Variants in ATG7 observed in about 807,000 individuals in gnomAD.
ATG7 encodes ubiquitin-like modifier-activating enzyme ATG7.
A neutral mutation model predicts 82.4 loss-of-function variants in ATG7; 70 were observed. That is an observed-to-expected ratio of 0.85 (90% CI 0.70 to 1.04). The LOEUF is 1.04. Among genes scored for constraint, ATG7 ranks in the 50% least tolerant of loss-of-function variants. ATG7 has a pLI of 0.00. For missense variants in ATG7, 792 were observed against 864.3 expected, an observed-to-expected ratio of 0.92 and a Z score of 1.05; for synonymous variants, 287 against 313.0, an observed-to-expected ratio of 0.92 and a Z score of 0.88.
At chr3:11,544,619 C>A (rs2071115824) in intron 20 of ATG7, among the ~76,000 whole-genome samples, 1 of 152,234 alleles carries the variant, frequency 6.6e-6, no homozygotes, top group African/African-American at 2.4e-5. Context: ...CAGTGCTTGC[C>A]CCCGCCCACC....
intron 20 of ATG7, among the ~76,000 whole-genome samples, chr3:11,526,843 T>C (rs1160868603): frequency 6.6e-6 from 1 of 152,190 alleles, no homozygotes; most frequent in Non-Finnish European, 1.5e-5. Context: ...TTTTACCATT[T>C]ACCATCATGT....
chr3:11,551,935 G>A lies in ATG7; in HGVS notation c.2080-2876G>A, dbSNP rs559129177. 1.4e-4 allele frequency among the ~76,000 whole-genome samples: 21 copies of A among 152,120 alleles called. No homozygotes were observed. In the South Asian group the frequency reaches 4.2e-3, roughly 30 times the overall value. Reference sequence around the variant, plus strand: ...GGCTAATTTTTGGATTTTTAGTAGAGACGGGGTTTCACCATGTTGGCCAGG... The same window carrying A: ...GGCTAATTTTTGGATTTTTAGTAGAAACGGGGTTTCACCATGTTGGCCAGG... On this transcript the variant is annotated intron_variant, in intron 20 of 20. Coordinates refer to ENST00000693202, the MANE Select transcript of ATG7 (RefSeq NM_001349232.2).
At chr3:11,276,821 G>A (rs1469476372) in intron 1 of ATG7, among the ~76,000 whole-genome samples, 1 of 152,022 alleles carries the variant, frequency 6.6e-6, no homozygotes, top group Non-Finnish European at 1.5e-5. Context: ...TTCAACCGCA[G>A]CTTCAAACTT....
At chr3:11,422,915 C>T (rs1044103205) in intron 19 of ATG7, among the ~76,000 whole-genome samples, 2 of 151,818 alleles carry the variant, frequency 1.3e-5, no homozygotes, top group Admixed American at 1.3e-4. Flanking sequence ...CCACTATGCC[C>T]AGCTAATGTT....
intron 19 of ATG7, among the ~76,000 whole-genome samples, chr3:11,396,513 G>A (rs189695197): frequency 1.3e-5 from 2 of 152,172 alleles, no homozygotes; most frequent in Non-Finnish European, 1.5e-5. Flanking sequence ...TATTGAGTGG[G>A]ATATTTTTTA....
At position 11,540,907 on chromosome 3, in the gene ATG7, T is replaced by TGGCG. The variant is rs1478475481; in HGVS notation, c.2080-13902_2080-13901insCGGG. Among the ~76,000 whole-genome samples the TGGCG allele has an allele frequency of 1.9e-3, 65 of 34,954 alleles. 2 individuals are homozygous for TGGCG. The highest frequency in any genetic ancestry group is 3.1e-3 in the Non-Finnish European group (42 of 13,482). The allele number at this position is 34,954 out of a possible 152,430, so 22.9% of individuals were successfully genotyped here. ...AAAAATTTATAGTTTTAGCTTTTTT[T>TGGCG]GGGGGGGGGAGGGGGGGAGTCTTGC... On this transcript the variant is annotated intron_variant, in intron 20 of 20. Transcript: ENST00000693202.
chr3:11,309,133 C>T (rs1948232504), intron 7 of ATG7, 72 bp downstream of exon 7: 2 of 1,364,722 alleles, frequency 1.5e-6, no homozygotes, highest in South Asian at 1.2e-5. Flanking sequence ...ACCAGTAGAA[C>T]AGTCTGCTCT....
At chr3:11,438,955 C>T (rs753681867) in intron 20 of ATG7, among the ~76,000 whole-genome samples, 4 of 152,056 alleles carry the variant, frequency 2.6e-5, no homozygotes, top group Non-Finnish European at 4.4e-5. Context: ...CACTTGCAAA[C>T]ATAACAGCTG....
rs373912916 is a variant in ATG7, at chr3:11,538,260, T to C, written c.2080-16551T>C. Among the ~76,000 whole-genome samples, 22 of 152,264 alleles carry C rather than the reference T, an allele frequency of 1.4e-4. No homozygotes were observed. In the East Asian group the frequency reaches 3.7e-3, roughly 25 times the overall value. On this transcript the variant is annotated intron_variant, in intron 20 of 20. Coordinates refer to ENST00000693202, the MANE Select transcript of ATG7 (RefSeq NM_001349232.2). The stretch of plus-strand genomic sequence containing the variant: ...CTCTCAACGCTGACCTGTCAGCTGG[T>C]TCAGGAAGGCCTTTCTGAGGCCAGC...
chr3:11,530,039 A>C (rs2092664339), intron 20 of ATG7, among the ~76,000 whole-genome samples: 1 of 152,120 alleles, frequency 6.6e-6, no homozygotes, highest in Non-Finnish European at 1.5e-5. Flanking sequence ...TTCTACTTGG[A>C]TCAGAGGTGT....
chr3:11,393,674 T>A (rs985506693), intron 19 of ATG7, among the ~76,000 whole-genome samples: 1 of 128,994 alleles, frequency 7.8e-6, no homozygotes, highest in Non-Finnish European at 1.7e-5. Flanking sequence ...TAATTTTTGA[T>A]AGTTTTGTAG....
chr3:11,511,764 C>T (rs1042733976), intron 20 of ATG7, among the ~76,000 whole-genome samples: 15 of 152,152 alleles, frequency 9.9e-5, no homozygotes, highest in South Asian at 2.1e-4. Context: ...TAAGGCCCAG[C>T]GAGAAATCGA....
intron 19 of ATG7, among the ~76,000 whole-genome samples, chr3:11,405,312 G>GT (rs1453407520): frequency 6.6e-6 from 1 of 152,108 alleles, no homozygotes; most frequent in Non-Finnish European, 1.5e-5. Flanking sequence ...TGGGCTGCCG[G>GT]TTTTCACTGT....
chr3:11,367,493 T>C (rs566748100), intron 18 of ATG7, among the ~76,000 whole-genome samples: 2 of 152,270 alleles, frequency 1.3e-5, no homozygotes, highest in African/African-American at 4.8e-5. Context: ...CAGCAACTCA[T>C]TGTGTAATTT....
intron 9 of ATG7, among the ~76,000 whole-genome samples, chr3:11,321,957 G>T (rs1212764004): frequency 6.6e-6 from 1 of 152,162 alleles, no homozygotes; most frequent in Non-Finnish European, 1.5e-5. Context: ...CCAAAGGAAG[G>T]CATAAGAGAA....
At chr3:11,453,506 T>C (rs1410281808) in intron 20 of ATG7, among the ~76,000 whole-genome samples, 1 of 152,138 alleles carries the variant, frequency 6.6e-6, no homozygotes, top group Admixed American at 6.5e-5. Flanking sequence ...GGTGGAGAAG[T>C]AGGCGGGAGG....
At chr3:11,474,225 C>G (rs183429017) in intron 20 of ATG7, among the ~76,000 whole-genome samples, 1 of 152,244 alleles carries the variant, frequency 6.6e-6, no homozygotes, top group South Asian at 2.1e-4. Context: ...GGCAGGGCCT[C>G]TGTTTTCATG....
At chr3:11,563,331 C>G in the ATG7 span, among the ~76,000 whole-genome samples, 1 of 152,244 alleles carries the variant, frequency 6.6e-6, no homozygotes, top group Non-Finnish European at 1.5e-5. Context: ...CAGGCCATGG[C>G]TCATGGCAGC....
intron 9 of ATG7, among the ~76,000 whole-genome samples, chr3:11,320,241 G>C (rs1288175715): frequency 6.6e-6 from 1 of 151,322 alleles, no homozygotes; most frequent in Non-Finnish European, 1.5e-5. Flanking sequence ...TCTATAAAAA[G>C]GTTTATTCCT....
Sources: gnomAD v4.1 joint callset for allele counts (sites outside exome capture counted in the v4.1 genomes callset) on GRCh38, gnomAD v4.1.1 for gene constraint, MANE v1.5 for transcripts, NCBI Gene and HGNC (gene_info 2026-07-23, HGNC 2026-07-21) for gene names.